MAD1L1: variants seen among roughly 807,000 people sequenced by gnomAD.
The protein encoded by MAD1L1 is mitotic spindle assembly checkpoint protein MAD1.
In MAD1L1, 95 loss-of-function variants were observed where a neutral mutation model predicts 96.9. The ratio of observed to expected loss-of-function variants is 0.98; its 90% CI spans 0.83 to 1.16. MAD1L1 has a LOEUF of 1.16. Ranked by LOEUF, MAD1L1 falls within the 50% of genes most tolerant of loss-of-function variation. The pLI is 0.00. For missense variants in MAD1L1, 1,007 were observed against 954.4 expected (o/e 1.06, Z -0.73); for synonymous variants, 473 against 396.6 (o/e 1.19, Z -2.29).
At chr7:2,082,276 G>GGGAAGGGAA (rs1785691903) in intron 11 of MAD1L1, among the ~76,000 whole-genome samples, 2 of 152,156 alleles carry the variant, frequency 1.3e-5, no homozygotes, top group Admixed American at 1.3e-4. Context: ...GAAGGAGGGA[G>GGGAAGGGAA]GGAAGGGAAG....
Position 2,197,043 on chromosome 7 carries a change from A to G in MAD1L1, c.986+16169T>C, listed in dbSNP as rs140659717. Reference sequence around the variant, plus strand: ...TGGCGGATGTGCTCCTCCCTGATGAAGACCTTCTGCGGCTCCTGTGACCTG... The same window carrying G: ...TGGCGGATGTGCTCCTCCCTGATGAGGACCTTCTGCGGCTCCTGTGACCTG... On this transcript the variant is annotated intron_variant, in intron 10 of 18. Coordinates refer to ENST00000265854, the MANE Select transcript of MAD1L1 (RefSeq NM_001013836.2). Among the ~76,000 whole-genome samples the G allele has an allele frequency of 2.6e-4, 40 of 152,342 alleles. No individual in the cohort carries two copies. The East Asian group carries it at 7.5e-3, about 29-fold the overall frequency.
chr7:2,124,625 G>A (rs1264208563), intron 11 of MAD1L1, among the ~76,000 whole-genome samples: 1 of 152,176 alleles, frequency 6.6e-6, no homozygotes, highest in Non-Finnish European at 1.5e-5. Flanking sequence ...CCCGCTCTGA[G>A]CTCGGCAAGG....
chr7:2,137,075 G>A (rs1380368339), intron 11 of MAD1L1, among the ~76,000 whole-genome samples: 1 of 152,144 alleles, frequency 6.6e-6, no homozygotes, highest in Non-Finnish European at 1.5e-5. Flanking sequence ...CCTGCTCTAG[G>A]CTCCGCTGTG....
At chr7:1,888,635 T>C (rs1475225707) in intron 18 of MAD1L1, among the ~76,000 whole-genome samples, 1 of 151,904 alleles carries the variant, frequency 6.6e-6, no homozygotes, top group African/African-American at 2.4e-5. Flanking sequence ...TGCGTGCATG[T>C]GGATGCCTGT....
chr7:2,089,713 C>CA (rs1292907792), intron 11 of MAD1L1, among the ~76,000 whole-genome samples: 1 of 151,478 alleles, frequency 6.6e-6, no homozygotes, highest in Non-Finnish European at 1.5e-5. Context: ...ATCACACTTC[C>CA]AACACCTGTC....
chr7:2,057,034 G>A (rs1037070727), intron 12 of MAD1L1, among the ~76,000 whole-genome samples: 4 of 152,176 alleles, frequency 2.6e-5, no homozygotes, highest in Non-Finnish European at 5.9e-5. Flanking sequence ...CCTGTTCACC[G>A]GCTTCCCACA....
At chr7:2,161,560 C>T (rs1008478305) in intron 10 of MAD1L1, among the ~76,000 whole-genome samples, 1 of 152,114 alleles carries the variant, frequency 6.6e-6, no homozygotes, top group Non-Finnish European at 1.5e-5. Flanking sequence ...CTCTGACCGG[C>T]CGCCCATCGT....
chr7:2,080,069 A>G (rs1785562132), intron 11 of MAD1L1: 1 of 208,318 alleles, frequency 4.8e-6, no homozygotes, highest in East Asian at 1.6e-4. Flanking sequence ...CAGAAGCCCC[A>G]AGGGGCCACA....
intron 10 of MAD1L1, among the ~76,000 whole-genome samples, chr7:2,200,101 C>A (rs571489096): frequency 6.6e-6 from 1 of 152,234 alleles, no homozygotes; most frequent in Non-Finnish European, 1.5e-5. Context: ...CCTCCCGGGG[C>A]GCACCCACGA....
intron 11 of MAD1L1, among the ~76,000 whole-genome samples, chr7:2,082,045 CAAG>C: frequency 6.6e-6 from 1 of 152,032 alleles, no homozygotes; most frequent in Middle Eastern, 3.4e-3. Context: ...ACTGAAGTGA[CAAG>C]AAGAGATGTC....
intron 11 of MAD1L1, among the ~76,000 whole-genome samples, chr7:2,091,218 T>C (rs1786194756): frequency 6.6e-6 from 1 of 152,154 alleles, no homozygotes; most frequent in African/African-American, 2.4e-5. Flanking sequence ...ACCCCAGTCC[T>C]AAAACCAGGT....
chr7:1,927,704 A>G (rs1789169351), intron 17 of MAD1L1, among the ~76,000 whole-genome samples: 1 of 152,216 alleles, frequency 6.6e-6, no homozygotes, highest in Non-Finnish European at 1.5e-5. Flanking sequence ...AATGGGTCAC[A>G]GATTTAAATG....
At chr7:2,227,708 T>A (rs1424700610) in intron 3 of MAD1L1, among the ~76,000 whole-genome samples, 2 of 152,238 alleles carry the variant, frequency 1.3e-5, no homozygotes, top group Non-Finnish European at 2.9e-5. Context: ...CAGCTGCTGC[T>A]GTTTGGGCGT....
At chr7:2,166,576 G>C (rs1458190092) in intron 10 of MAD1L1, among the ~76,000 whole-genome samples, 1 of 152,192 alleles carries the variant, frequency 6.6e-6, no homozygotes, top group African/African-American at 2.4e-5. Flanking sequence ...TGCTTTAAAC[G>C]TTCAAAAAGA....
chr7:2,100,445 G>C (rs1786720404), intron 11 of MAD1L1, among the ~76,000 whole-genome samples: 2 of 152,204 alleles, frequency 1.3e-5, no homozygotes, highest in South Asian at 4.1e-4. Context: ...TTACAATGCT[G>C]GTGCCTTGCT....
At chr7:2,055,088 C>G (rs1784332809) in intron 12 of MAD1L1, among the ~76,000 whole-genome samples, 1 of 152,224 alleles carries the variant, frequency 6.6e-6, no homozygotes, top group Non-Finnish European at 1.5e-5. Context: ...GCAGCAGAGA[C>G]AGAGGAAGCG....
At position 2,210,654 on chromosome 7, in the gene MAD1L1, C is replaced by T. The variant is rs548554036; in HGVS notation, c.986+2558G>A. Among the ~76,000 whole-genome samples the T allele has an allele frequency of 1.3e-5, 2 of 152,228 alleles. 1 individual carries two copies. The highest frequency in any genetic ancestry group is 4.1e-4 in the South Asian group (2 of 4,832). ...CCCGAGATCACGGCCTGATGCAGAA[C>T]CACACTCAGACACCCGCCCTGTGGA... On this transcript the variant is annotated intron_variant, in intron 10 of 18. Coordinates refer to ENST00000265854, the MANE Select transcript of MAD1L1 (RefSeq NM_001013836.2).
At chr7:2,185,372 G>A (rs890227264) in intron 10 of MAD1L1, among the ~76,000 whole-genome samples, 1 of 152,228 alleles carries the variant, frequency 6.6e-6, no homozygotes, top group Non-Finnish European at 1.5e-5. Flanking sequence ...GAAGGGACGA[G>A]AAGGAACTTC....
chr7:2,184,289 C>G (rs554963498), intron 10 of MAD1L1, among the ~76,000 whole-genome samples: 1 of 151,820 alleles, frequency 6.6e-6, no homozygotes, highest in East Asian at 1.9e-4. Flanking sequence ...AGAAAGGGCT[C>G]AACATATTCA....
Sources: gnomAD v4.1 joint callset for allele counts (sites outside exome capture counted in the v4.1 genomes callset) on GRCh38, gnomAD v4.1.1 for gene constraint, MANE v1.5 for transcripts, NCBI Gene and HGNC (gene_info 2026-07-23, HGNC 2026-07-21) for gene names.